RPAP1: variants seen among roughly 807,000 people sequenced by gnomAD.
The protein encoded by RPAP1 is RNA polymerase II-associated protein 1.
A neutral mutation model predicts 142.4 loss-of-function variants in RPAP1; 109 were observed. The ratio of observed to expected loss-of-function variants is 0.77; its 90% CI spans 0.66 to 0.90. The LOEUF is 0.90. Among genes scored for constraint, RPAP1 ranks in the 40% least tolerant of loss-of-function variants. RPAP1 has a pLI of 0.00. For missense variants in RPAP1, 1,546 were observed against 1,751.7 expected, an observed-to-expected ratio of 0.88 and a Z score of 2.10; for synonymous variants, 704 against 738.9, an observed-to-expected ratio of 0.95 and a Z score of 0.77.
At position 41,534,851 on chromosome 15, in the gene RPAP1, A is replaced by C. The variant is rs1334449062; in HGVS notation, c.626T>G (p.Leu209Arg). 3.1e-6 allele frequency: 5 copies of C among 1,614,074 alleles called. No individual in the cohort carries two copies. The highest frequency in any genetic ancestry group is 1.7e-6 in the Non-Finnish European group (2 of 1,180,038). The stretch of plus-strand genomic sequence containing the variant: ...ATCCCTGAGCCCCTTCCCTGTGACC[A>C]GATTGGGTCCCTGAAAGCTGTGGCT... ...GSSHSFQGPN[L>R]VTGKGLRDQE... is the part of the protein sequence containing the mutation. The change falls in exon 6 of 25, where the codon CTG becomes CGG. Residue 209 changes from leucine to arginine, a missense_variant. Physicochemically the swap from Leu to Arg is moderately radical, Grantham distance 102. Around this residue, in one of 3 missense-constraint regions of RPAP1, gnomAD observed 1,333 missense variants for 1,486.6 expected, o/e 0.90. Transcript: ENST00000304330.
chr15:41,524,298 G>A (rs763537250), intron 15 of RPAP1, 44 bp from the exon 16 acceptor site: 12 of 1,485,990 alleles, frequency 8.1e-6, no homozygotes, highest in Admixed American at 4.6e-5. Context: ...GAAAGCAAGT[G>A]GAGACATGAG....
intron 9 of RPAP1, 26 bp downstream of exon 9, chr15:41,529,444 C>T (rs929554304): frequency 6.6e-7 from 1 of 1,504,090 alleles, no homozygotes; most frequent in Non-Finnish European, 9.2e-7. Flanking sequence ...AAGAGCTGCC[C>T]CATCCTCTCC....
intron 6 of RPAP1, among the ~76,000 whole-genome samples, chr15:41,533,124 A>T (rs1042259052): frequency 6.6e-6 from 1 of 151,856 alleles, no homozygotes; most frequent in African/African-American, 2.4e-5. Context: ...TCATAAGTAA[A>T]ATAGGGTTAA....
chr15:41,527,927 C>T lies in RPAP1; in HGVS notation c.1361G>A (p.Arg454Lys). ...GGCGGTTGCAATGACCCCATCCACT[C>T]TGTCATCCAAGGAGAAGCGCAGTAG... is the stretch of plus-strand genomic sequence containing the variant. ...LFLLRFSLDD[R>K]VDGVIATAIR... The change falls in exon 11 of 25, where the codon AGA (arginine) becomes AAA (lysine). Residue 454 changes from arginine (R) to lysine (K), a missense_variant. Arg to Lys is a conservative substitution (Grantham distance 26, BLOSUM62 2). Coordinates refer to ENST00000304330, the MANE Select transcript of RPAP1 (RefSeq NM_015540.4). 6.2e-7 allele frequency: 1 copy of T among 1,614,106 alleles called. No individual in the cohort carries two copies. Among genetic ancestry groups the T allele is most frequent in the Non-Finnish European group, 8.5e-7 (1 of 1,180,024 alleles).
Position 41,534,915 on chromosome 15 carries a change from G to T in RPAP1, c.562C>A (p.Pro188Thr), listed in dbSNP as rs2051892517. ...TGGCAGCCCTGGTTCCTAGGAGTGG[G>T]TGTCTCACAGGTCACGGCACCTGGA... Reference protein sequence around the residue: ...PPEGAVTCETPTPRNQGCQLP... With the variant: ...PPEGAVTCETTTPRNQGCQLP... Residue 188 changes from proline to threonine, a missense_variant, in exon 6 of 25, where the codon CCC (proline) becomes ACC (threonine). Around this residue, in one of 3 missense-constraint regions of RPAP1, gnomAD observed 1,333 missense variants for 1,486.6 expected, o/e 0.90. Transcript: ENST00000304330. The T allele has an allele frequency of 6.2e-7, 1 of 1,614,156 alleles. No individual in the cohort carries two copies. The highest frequency in any genetic ancestry group is 2.2e-5 in the East Asian group (1 of 44,888).
chr15:41,533,372 G>A (rs891683627), intron 6 of RPAP1: 6 of 152,300 alleles, frequency 3.9e-5, no homozygotes, highest in African/African-American at 1.4e-4. Context: ...TGAAAAGGCT[G>A]AGGCACAAGA....
chr15:41,531,092 C>T lies in RPAP1; in HGVS notation c.874G>A (p.Glu292Lys). Reference protein sequence around the residue: ...PGGPSANVTKEEPLMSAFASE... With the variant: ...PGGPSANVTKKEPLMSAFASE... ...GCAAAAGCTGACATGAGGGGTTCCT[C>T]CTTGGTGACATTAGCAGAGGGTCCT... Residue 292 changes from glutamate (E) to lysine (K), a missense_variant, in exon 7 of 25, where the codon GAG (glutamate) becomes AAG (lysine). Coordinates refer to ENST00000304330, the MANE Select transcript of RPAP1 (RefSeq NM_015540.4). 3.7e-6 allele frequency: 6 copies of T among 1,614,038 alleles called. No homozygotes were observed. Among genetic ancestry groups the T allele is most frequent in the Non-Finnish European group, 5.1e-6 (6 of 1,179,988 alleles).
At position 41,520,698 on chromosome 15, in the gene RPAP1, AAC is replaced by A; in HGVS notation, c.3486_3487del (p.Phe1163ProfsTer5). 1.2e-6 allele frequency: 2 copies of A among 1,614,134 alleles called. No individual in the cohort carries two copies. The highest frequency in any genetic ancestry group is 1.7e-6 in the Non-Finnish European group (2 of 1,180,028). On this transcript the variant is annotated frameshift_variant, in exon 22 of 25. Coordinates refer to ENST00000304330, the MANE Select transcript of RPAP1 (RefSeq NM_015540.4). LOFTEE classifies it high-confidence loss of function. ...CCGGAACAGCTCACTGTCCACCAGG[AAC>A]ACACACATGAGCCGTGCCAGGCGGG... is the stretch of plus-strand genomic sequence containing the variant.
intron 11 of RPAP1, 96 bp downstream of exon 11, chr15:41,527,764 T>C (rs1208535481): frequency 3.3e-6 from 5 of 1,523,854 alleles, no homozygotes; most frequent in Non-Finnish European, 4.4e-6. Flanking sequence ...ATTCTACATC[T>C]TGCCCGCAAA....
rs59910135 is a variant in RPAP1 at position 41,537,176 on chromosome 15, G to A, written c.-51C>T. 4,483 of 1,556,594 alleles carry A rather than the reference G, an allele frequency of 2.9e-3. 119 individuals are homozygous for A. In the African/African-American group the frequency reaches 0.054, roughly 19 times the overall value. On this transcript the variant is annotated 5_prime_UTR_variant, in exon 2 of 25. In the 5' UTR this introduces an upstream ATG that the reference lacks. Transcript: ENST00000304330. ...TACGACTCTCTCCAGCAGTGTCTCC[G>A]TGTGGGGGTTCCCTCTTATTCATCC...
At position 41,523,302 on chromosome 15, in the gene RPAP1, T is replaced by C. The variant is rs759346483; in HGVS notation, c.2489A>G (p.Glu830Gly). The change falls in exon 18 of 25, where the codon GAG becomes GGG. Residue 830 changes from glutamate to glycine, a missense_variant. By Grantham distance (98) the Glu-to-Gly change is moderately conservative (BLOSUM62 -2). Transcript: ENST00000304330. The part of the protein sequence containing the change: ...WLQDMQRLSE[E>G]LLLPLLSQPT... Reference sequence around the variant, plus strand: ...CTGACTCAGCAGTGGCAGCAGCAGCTCCTCTGACAGGCGCTGCATGTCCTG... The same window carrying C: ...CTGACTCAGCAGTGGCAGCAGCAGCCCCTCTGACAGGCGCTGCATGTCCTG... 2.5e-6 allele frequency: 4 copies of C among 1,612,522 alleles called. No homozygotes were observed. The East Asian group carries it at 8.9e-5, about 36-fold the overall frequency.
intron 21 of RPAP1, 129 bp downstream of exon 21, chr15:41,521,609 G>A (rs1308486489): frequency 3.2e-5 from 33 of 1,034,390 alleles, no homozygotes; most frequent in South Asian, 6.7e-5. Flanking sequence ...ATGGAAGCTC[G>A]GAAGAGTTAA....
intron 11 of RPAP1, 70 bp downstream of exon 11, chr15:41,527,790 C>T: frequency 6.3e-6 from 10 of 1,582,412 alleles, no homozygotes; most frequent in Non-Finnish European, 8.6e-6. Context: ...AGCAATGGGG[C>T]CATGCCCAGG....
intron 19 of RPAP1, 135 bp from the exon 20 acceptor site, chr15:41,522,385 C>T: frequency 2.4e-6 from 2 of 843,760 alleles, no homozygotes; most frequent in Middle Eastern, 3.6e-4. Flanking sequence ...GGACACCCTC[C>T]CACTTTCTTT....
At chr15:41,525,810 A>T (rs1310983591) in intron 14 of RPAP1, among the ~76,000 whole-genome samples, 1 of 151,714 alleles carries the variant, frequency 6.6e-6, no homozygotes, top group Non-Finnish European at 1.5e-5. Flanking sequence ...GCATGCCACC[A>T]CGCCTGGCTA....
In RPAP1 at chr15:41,534,946, G is replaced by T. The variant is rs369425886; in HGVS notation, c.542-11C>A. Reference sequence around the variant, plus strand: ...CACAGGTCACGGCACCTGGAAGAAAGGTATGATCACATTCATTGCTCTGTC... The same window carrying T: ...CACAGGTCACGGCACCTGGAAGAAATGTATGATCACATTCATTGCTCTGTC... On this transcript the variant is annotated splice_polypyrimidine_tract_variant and intron_variant, in intron 5 of 24. Transcript: ENST00000304330. 148 of 1,612,908 alleles carry T rather than the reference G, an allele frequency of 9.2e-5. No homozygotes were observed. Among genetic ancestry groups the T allele is most frequent in the Non-Finnish European group, 1.2e-4 (138 of 1,179,330 alleles).
At position 41,517,685 on chromosome 15, in the gene RPAP1, G is replaced by A. The variant is rs756204073; in HGVS notation, c.4039C>T (p.Arg1347Trp). 1.2e-5 allele frequency: 20 copies of A among 1,612,192 alleles called. No homozygotes were observed. The highest frequency in any genetic ancestry group is 3.3e-4 in the Middle Eastern group (2 of 6,076). The change falls in exon 25 of 25, where the codon CGG becomes TGG. Residue 1347 changes from arginine (R) to tryptophan (W), a missense_variant. Physicochemically the swap from Arg to Trp is moderately radical, Grantham distance 101. Around this residue, in one of 3 missense-constraint regions of RPAP1, gnomAD observed 210 missense variants for 248.0 expected, o/e 0.85. Transcript: ENST00000304330. ...KTWLLADEGL[R>W]QHLLHYKLPN... ...AGCTTATAGTGCAGGAGGTGCTGCC[G>A]GAGACCCTGCAGAAAGGAAAGAAAA... is the stretch of plus-strand genomic sequence containing the variant.
chr15:41,523,082 C>T, intron 18 of RPAP1, 122 bp from the exon 19 acceptor site: 2 of 968,538 alleles, frequency 2.1e-6, no homozygotes, highest in Admixed American at 3.2e-5. Context: ...GTGCTGCTCA[C>T]ACTCCTCAGA....
At chr15:41,533,838 TA>T (rs35094310) in intron 6 of RPAP1, among the ~76,000 whole-genome samples, 74 of 127,412 alleles carry the variant, frequency 5.8e-4, no homozygotes, top group Middle Eastern at 8.1e-3. Flanking sequence ...AAATCCGTCT[TA>T]AAAAAAAAAA....
Sources: gnomAD v4.1 joint callset for allele counts (sites outside exome capture counted in the v4.1 genomes callset) on GRCh38, gnomAD v4.1.1 for gene constraint, gnomAD v4.1.1 regional missense constraint, MANE v1.5 for transcripts, NCBI Gene and HGNC (gene_info 2026-07-23, HGNC 2026-07-21) for gene names.